UBE2H: variants seen among roughly 807,000 people sequenced by gnomAD.
The protein encoded by UBE2H is ubiquitin conjugating enzyme E2 H, also known as ubiquitin-conjugating enzyme E2 H.
A neutral mutation model predicts 29.0 loss-of-function variants in UBE2H; 3 were observed. The ratio of observed to expected loss-of-function variants is 0.10; its 90% CI spans 0.05 to 0.27. The LOEUF is 0.27. Among genes scored for constraint, UBE2H ranks in the 10% least tolerant of loss-of-function variants. The pLI, the probability that UBE2H is intolerant of heterozygous loss-of-function variation, is 1.00. For synonymous variants in UBE2H, 69 were observed against 82.9 expected, an observed-to-expected ratio of 0.83 and a Z score of 0.91; for missense variants, 68 against 228.2, an observed-to-expected ratio of 0.30 and a Z score of 4.52.
At chr7:129,883,725 C>G (rs569079845) in intron 1 of UBE2H, among the ~76,000 whole-genome samples, 1 of 152,186 alleles carries the variant, frequency 6.6e-6, no homozygotes, top group South Asian at 2.1e-4. Context: ...GCCTGTAGTC[C>G]CAGCTATTCA....
intron 5 of UBE2H, among the ~76,000 whole-genome samples, chr7:129,842,303 C>T (rs1294480876): frequency 2.6e-5 from 4 of 152,026 alleles, no homozygotes; most frequent in East Asian, 1.9e-4. Flanking sequence ...TGTGATGGCG[C>T]GTGCCTGTAG....
At chr7:129,861,861 C>G (rs900243458) in intron 3 of UBE2H, among the ~76,000 whole-genome samples, 2 of 152,316 alleles carry the variant, frequency 1.3e-5, no homozygotes, top group African/African-American at 4.8e-5. Flanking sequence ...GCACTCCAGC[C>G]TGGAAGCCAG....
intron 1 of UBE2H, among the ~76,000 whole-genome samples, chr7:129,915,664 A>G (rs1584783841): frequency 6.6e-6 from 1 of 152,320 alleles, no homozygotes; most frequent in East Asian, 1.9e-4. Context: ...CTGAAACAGA[A>G]AGGCATCTGT....
chr7:129,857,588 T>C (rs761316952), intron 4 of UBE2H, 25 bp from the exon 5 acceptor site: 2 of 1,601,964 alleles, frequency 1.2e-6, no homozygotes, highest in Non-Finnish European at 1.7e-6. Flanking sequence ...AAGAATGGCA[T>C]GTTTTTAAAA....
At chr7:129,855,897 T>C (rs2116312290) in intron 5 of UBE2H, among the ~76,000 whole-genome samples, 1 of 152,278 alleles carries the variant, frequency 6.6e-6, no homozygotes, top group South Asian at 2.1e-4. Context: ...ACTCTGTTTC[T>C]ATGTATTAAA....
intron 5 of UBE2H, among the ~76,000 whole-genome samples, chr7:129,852,424 G>A (rs968266782): frequency 6.6e-6 from 1 of 151,306 alleles, no homozygotes; most frequent in Admixed American, 6.6e-5. Flanking sequence ...CTGAGATCGT[G>A]CCACTGCACT....
At chr7:129,863,813 T>G (rs866206019) in intron 3 of UBE2H, among the ~76,000 whole-genome samples, 2 of 151,360 alleles carry the variant, frequency 1.3e-5, no homozygotes, top group South Asian at 2.1e-4. Flanking sequence ...TAGGTGTTTT[T>G]TTTTTTTTTT....
At chr7:129,952,381 G>A (rs1807895862) in intron 1 of UBE2H, 122 bp downstream of exon 1, 1 of 1,239,580 alleles carries the variant, frequency 8.1e-7, no homozygotes, top group Non-Finnish European at 1.1e-6. Context: ...CACTGGGGGA[G>A]GAGGGGAGTC....
At chr7:129,920,249 AAC>A (rs767904344) in intron 1 of UBE2H, among the ~76,000 whole-genome samples, 22 of 141,606 alleles carry the variant, frequency 1.6e-4, no homozygotes, top group South Asian at 6.2e-4. Flanking sequence ...TATGCAAATA[AAC>A]ACACACATAT....
chr7:129,915,434 T>C (rs1807024682), intron 1 of UBE2H, among the ~76,000 whole-genome samples: 1 of 152,080 alleles, frequency 6.6e-6, no homozygotes, highest in Admixed American at 6.6e-5. Context: ...CTTGGGAGGC[T>C]GAGGCAGGAG....
chr7:129,836,305 T>C (rs564769737), intron 6 of UBE2H, among the ~76,000 whole-genome samples: 31 of 152,220 alleles, frequency 2.0e-4, no homozygotes, highest in Non-Finnish European at 4.1e-4. Context: ...CCCTCTTTAA[T>C]GTATTCAAGG....
At chr7:129,924,325 C>T (rs891261430) in intron 1 of UBE2H, among the ~76,000 whole-genome samples, 5 of 152,136 alleles carry the variant, frequency 3.3e-5, no homozygotes, top group Non-Finnish European at 5.9e-5. Context: ...TGAGACTTTT[C>T]CTAGTTAACA....
intron 3 of UBE2H, among the ~76,000 whole-genome samples, chr7:129,875,518 A>G (rs1251260684): frequency 6.6e-6 from 1 of 152,204 alleles, no homozygotes; most frequent in Non-Finnish European, 1.5e-5. Flanking sequence ...AAATTATTTG[A>G]AGGATATAAA....
At chr7:129,872,845 C>CAAAAAAAAAAAA (rs34001143) in intron 3 of UBE2H, among the ~76,000 whole-genome samples, 13 of 72,006 alleles carry the variant, frequency 1.8e-4, no homozygotes, top group East Asian at 5.3e-4. Flanking sequence ...CACTCCGTCT[C>CAAAAAAAAAAAA]AAAAAAAAAA....
At chr7:129,847,006 AATT>A (rs748391223) in intron 5 of UBE2H, among the ~76,000 whole-genome samples, 47 of 148,686 alleles carry the variant, frequency 3.2e-4, no homozygotes, top group African/African-American at 1.1e-3. Flanking sequence ...GTCATCCTAT[AATT>A]ATTATTATTA....
chr7:129,867,250 G>A (rs987473776), intron 3 of UBE2H, among the ~76,000 whole-genome samples: 2 of 151,796 alleles, frequency 1.3e-5, no homozygotes, highest in Non-Finnish European at 2.9e-5. Flanking sequence ...ACATGCACAC[G>A]TATGTTTATT....
At chr7:129,872,596 C>A (rs538792561) in intron 3 of UBE2H, among the ~76,000 whole-genome samples, 89 of 152,132 alleles carry the variant, frequency 5.9e-4, no homozygotes, top group Non-Finnish European at 6.6e-4. Flanking sequence ...AATCTCAGCA[C>A]TGTGGGAGGC....
At chr7:129,935,316 G>C (rs1022930755) in intron 1 of UBE2H, among the ~76,000 whole-genome samples, 1 of 151,396 alleles carries the variant, frequency 6.6e-6, no homozygotes, top group African/African-American at 2.4e-5. Context: ...AGGAGGCTGA[G>C]GCAGGAGAAT....
intron 3 of UBE2H, among the ~76,000 whole-genome samples, 180 bp downstream of exon 3, chr7:129,879,388 A>G (rs1046666164): frequency 6.6e-6 from 1 of 152,232 alleles, no homozygotes; most frequent in Non-Finnish European, 1.5e-5. Flanking sequence ...GTATATTTAA[A>G]CGTCTTCTAA....
Sources: allele counts gnomAD v4.1 joint callset (sites outside exome capture counted in the v4.1 genomes callset), GRCh38; gene constraint gnomAD v4.1.1; transcripts MANE v1.5; gene names NCBI Gene and HGNC (gene_info 2026-07-23, HGNC 2026-07-21).